Variants in KLHL29 observed in about 807,000 individuals in gnomAD.
KLHL29 encodes kelch like family member 29.
A neutral mutation model predicts 80.4 loss-of-function variants in KLHL29; 21 were observed. The ratio of observed to expected loss-of-function variants is 0.26; its 90% confidence interval spans 0.19 to 0.38. The LOEUF (loss-of-function observed/expected upper bound fraction) is 0.38. Among genes scored for constraint, KLHL29 ranks in the 10% least tolerant of loss-of-function variants. KLHL29 has a pLI of 1.00. For synonymous variants in KLHL29, 511 were observed against 526.8 expected (o/e 0.97, Z 0.41); for missense variants, 867 against 1,223.9 (o/e 0.71, Z 4.35).
At chr2:23,468,776 G>T (rs1572340022) in intron 1 of KLHL29, among the ~76,000 whole-genome samples, 1 of 152,330 alleles carries the variant, frequency 6.6e-6, no homozygotes, top group East Asian at 1.9e-4. Flanking sequence ...CGGGCCAACA[G>T]TTCCAGGGCT....
intron 1 of KLHL29, among the ~76,000 whole-genome samples, chr2:23,440,147 T>G (rs996662202): frequency 5.9e-5 from 9 of 152,012 alleles, no homozygotes; most frequent in African/African-American, 1.9e-4. Context: ...TGCCTTTTTT[T>G]GAACAGAGCC....
chr2:23,571,265 G>A (rs1667710366), intron 3 of KLHL29, among the ~76,000 whole-genome samples: 1 of 152,260 alleles, frequency 6.6e-6, no homozygotes, highest in Admixed American at 6.5e-5. Context: ...AATGGAGGTA[G>A]GAATGGGGGC....
chr2:23,534,115 C>A (rs1340413038), intron 2 of KLHL29, among the ~76,000 whole-genome samples: 2 of 152,156 alleles, frequency 1.3e-5, no homozygotes, highest in African/African-American at 4.8e-5. Flanking sequence ...TGTCTGACAT[C>A]CCGCTGAGCA....
intron 3 of KLHL29, among the ~76,000 whole-genome samples, chr2:23,605,590 A>G (rs1348398762): frequency 6.6e-6 from 1 of 152,146 alleles, no homozygotes; most frequent in African/African-American, 2.4e-5. Flanking sequence ...TCGATTTGGT[A>G]TATTTTCAGA....
rs914221873 is a variant in KLHL29, at chr2:23,596,676, A to G, written c.285+34195A>G. 6.6e-6 allele frequency among the ~76,000 whole-genome samples: 1 copy of G among 152,180 alleles called. No individual in the cohort carries two copies. Among genetic ancestry groups the G allele is most frequent in the Non-Finnish European group, 1.5e-5 (1 of 68,032 alleles). On this transcript the variant is annotated intron_variant, in intron 3 of 13. Coordinates refer to ENST00000486442, the MANE Select transcript of KLHL29 (RefSeq NM_052920.2). The surrounding 1 kb of genome is among the most constrained non-coding windows in gnomAD (Gnocchi z 4.4). ...CCTCTTTAGCACGCCTTTAACCCCT[A>G]TCCTGCAAGCATCTCCCTCTAAATG...
chr2:23,554,426 A>G (rs1378638720), intron 2 of KLHL29, among the ~76,000 whole-genome samples: 1 of 152,134 alleles, frequency 6.6e-6, no homozygotes, highest in African/African-American at 2.4e-5. Flanking sequence ...CTATCTGGAG[A>G]CAGCGCGGGT....
chr2:23,488,499 G>A (rs779958076), intron 2 of KLHL29, among the ~76,000 whole-genome samples: 8 of 152,226 alleles, frequency 5.3e-5, no homozygotes, highest in African/African-American at 1.9e-4. Context: ...GAATGAGACC[G>A]TGACCCAGCT....
intron 3 of KLHL29, among the ~76,000 whole-genome samples, chr2:23,585,854 G>T (rs1032917524): frequency 1.3e-5 from 2 of 152,214 alleles, no homozygotes; most frequent in Non-Finnish European, 2.9e-5. Context: ...TCCAGAGAAG[G>T]AGAAGCACTT....
intron 1 of KLHL29, among the ~76,000 whole-genome samples, chr2:23,426,568 G>T (rs576116706): frequency 2.6e-5 from 4 of 152,198 alleles, no homozygotes; most frequent in African/African-American, 9.6e-5. Flanking sequence ...CACCCTCCCC[G>T]CTGCTGCAAA....
intron 2 of KLHL29, among the ~76,000 whole-genome samples, chr2:23,558,510 T>A (rs1667357640): frequency 6.6e-6 from 1 of 152,142 alleles, no homozygotes; most frequent in Non-Finnish European, 1.5e-5. Flanking sequence ...CAAGTGATTC[T>A]CATGCCTCAG....
chr2:23,593,652 AG>A (rs1668323500), intron 3 of KLHL29, among the ~76,000 whole-genome samples: 1 of 152,212 alleles, frequency 6.6e-6, no homozygotes, highest in African/African-American at 2.4e-5. Flanking sequence ...GGTCAGGACC[AG>A]GGTGGTCCAG....
chr2:23,646,089 A>G (rs1354025453), intron 5 of KLHL29, among the ~76,000 whole-genome samples: 1 of 152,138 alleles, frequency 6.6e-6, no homozygotes, highest in African/African-American at 2.4e-5. Flanking sequence ...TTAAAAATAG[A>G]TTTCATGTGT....
At chr2:23,509,166 G>T (rs1665696550) in intron 2 of KLHL29, among the ~76,000 whole-genome samples, 1 of 152,220 alleles carries the variant, frequency 6.6e-6, no homozygotes, top group Non-Finnish European at 1.5e-5. Context: ...GCTCAGGGCA[G>T]GAGCAGATGC....
In KLHL29 at chr2:23,422,912, G is replaced by A. The variant is rs149179682; in HGVS notation, c.-154+37132G>A. Among the ~76,000 whole-genome samples the A allele has an allele frequency of 7.9e-4, 121 of 152,370 alleles. 1 individual carries two copies. The highest frequency in any genetic ancestry group is 6.0e-3 in the Admixed American group (92 of 15,312). On this transcript the variant is annotated intron_variant, in intron 1 of 13. Coordinates refer to ENST00000486442, the MANE Select transcript of KLHL29 (RefSeq NM_052920.2). The stretch of plus-strand genomic sequence containing the variant: ...ATTCCCCATTCAGTGCTGAGCCTGC[G>A]AGGGATCCAGTCACTCGCCCACACC...
At chr2:23,624,428 C>G (rs914960389) in intron 3 of KLHL29, among the ~76,000 whole-genome samples, 2 of 152,202 alleles carry the variant, frequency 1.3e-5, no homozygotes, top group Non-Finnish European at 2.9e-5. Flanking sequence ...CACCAATTAC[C>G]TGGACTCTTG....
At chr2:23,658,502 C>T (rs1408519106) in intron 5 of KLHL29, among the ~76,000 whole-genome samples, 1 of 152,194 alleles carries the variant, frequency 6.6e-6, no homozygotes, top group Non-Finnish European at 1.5e-5. Flanking sequence ...CCCACGTCCC[C>T]TTGACACTGG....
chr2:23,445,464 G>C (rs1663647164), intron 1 of KLHL29, among the ~76,000 whole-genome samples: 1 of 152,126 alleles, frequency 6.6e-6, no homozygotes, highest in Non-Finnish European at 1.5e-5. Flanking sequence ...TTTGTCCATT[G>C]CATGTACTTC....
intron 2 of KLHL29, among the ~76,000 whole-genome samples, chr2:23,520,992 A>ACCG (rs1485391256): frequency 0.077 from 7,051 of 91,146 alleles, 240 homozygotes; most frequent in Non-Finnish European, 0.11. Context: ...TACAAAGACC[A>ACCG]CCCCCCCCCC....
intron 1 of KLHL29, among the ~76,000 whole-genome samples, chr2:23,438,283 C>G (rs1663403615): frequency 6.6e-6 from 1 of 151,902 alleles, no homozygotes; most frequent in African/African-American, 2.4e-5. Context: ...TCCTCTTTTC[C>G]TAATTGAATA....
Sources: gnomAD v4.1 joint callset for allele counts (sites outside exome capture counted in the v4.1 genomes callset) on GRCh38, gnomAD v4.1.1 for gene constraint, Gnocchi (gnomAD v3.1) non-coding constraint, MANE v1.5 for transcripts, NCBI Gene and HGNC (gene_info 2026-07-23, HGNC 2026-07-21) for gene names.